PCDHAC1: variants seen among roughly 807,000 people sequenced by gnomAD.
The protein encoded by PCDHAC1 is protocadherin alpha-C1.
A neutral mutation model predicts 60.0 loss-of-function variants in PCDHAC1; 42 were observed. The observed-to-expected ratio is 0.70, with a 90% CI of 0.55 to 0.90. The LOEUF is 0.90. Ranked by LOEUF, PCDHAC1 falls within the 40% of genes least tolerant of loss-of-function variation. The probability of loss-of-function intolerance (pLI) is 0.00; values close to 1 mark genes in which losing one functional copy is unlikely to be tolerated. For missense variants in PCDHAC1, 1,160 were observed against 1,222.3 expected, an observed-to-expected ratio of 0.95 and a Z score of 0.76; for synonymous variants, 468 against 499.3, an observed-to-expected ratio of 0.94 and a Z score of 0.84.
intron 3 of PCDHAC1, among the ~76,000 whole-genome samples, chr5:141,007,395 C>CAAAAAAAAAAAAAA (rs35800918): frequency 1.1e-5 from 1 of 94,866 alleles, no homozygotes; most frequent in Non-Finnish European, 2.1e-5. Context: ...TACTAAAATA[C>CAAAAAAAAAAAAAA]AAAAAAAAAA....
intron 1 of PCDHAC1, among the ~76,000 whole-genome samples, chr5:140,937,334 G>T (rs1459343291): frequency 3.3e-5 from 5 of 152,092 alleles, no homozygotes; most frequent in African/African-American, 1.2e-4. Flanking sequence ...ACCGCGCCCG[G>T]CTTCTTCCAT....
chr5:140,928,384 C>G lies in PCDHAC1; in HGVS notation c.1492C>G (p.Leu498Val), dbSNP rs246074. ...ISEGPSASSL[L>V]AVESSSGAIT... ...TGAAGGGCCATCAGCCTCTAGCTTGCTGGCAGTGGAATCATCCAGTGGGGC... is the reference window on the plus strand; with the variant it reads ...TGAAGGGCCATCAGCCTCTAGCTTGGTGGCAGTGGAATCATCCAGTGGGGC... Residue 498 changes from leucine (L) to valine (V), a missense_variant, in exon 1 of 4, where the codon CTG becomes GTG. By Grantham distance (32) the Leu-to-Val change is conservative (BLOSUM62 1). Around this residue, in one of 3 missense-constraint regions of PCDHAC1, gnomAD observed 1,113 missense variants for 1,163.7 expected, o/e 0.96. Transcript: ENST00000253807. 841,304 of 1,613,674 alleles carry G rather than the reference C, an allele frequency of 0.52. 221,696 individuals are homozygous for G. Among genetic ancestry groups the G allele is most frequent in the African/African-American group, 0.71 (53,389 of 74,918 alleles).
chr5:140,940,551 T>C (rs2092639776), intron 1 of PCDHAC1, among the ~76,000 whole-genome samples: 1 of 152,214 alleles, frequency 6.6e-6, no homozygotes, highest in African/African-American at 2.4e-5. Context: ...TGGGCTCAAG[T>C]GATTCTCCTA....
chr5:140,953,778 A>G (rs782648195), intron 1 of PCDHAC1, among the ~76,000 whole-genome samples: 1 of 151,986 alleles, frequency 6.6e-6, no homozygotes, highest in Non-Finnish European at 1.5e-5. Flanking sequence ...ATATTTATTT[A>G]TTTTTTTCTT....
intron 3 of PCDHAC1, among the ~76,000 whole-genome samples, chr5:140,994,802 C>T (rs541054161): frequency 7.9e-5 from 12 of 152,066 alleles, no homozygotes; most frequent in Non-Finnish European, 1.6e-4. Flanking sequence ...CATGCAAAAA[C>T]AAAATACAAA....
intron 1 of PCDHAC1, chr5:140,967,561 G>T: frequency 6.2e-7 from 1 of 1,614,076 alleles, no homozygotes; most frequent in Non-Finnish European, 8.5e-7. Flanking sequence ...ATCGCGTCCA[G>T]CTACGGGAGG....
In PCDHAC1 at chr5:141,010,461, G is replaced by A; in HGVS notation, c.*524G>A. The A allele has an allele frequency of 1.2e-6, 1 of 823,014 alleles. No homozygotes were observed. The highest frequency in any genetic ancestry group is 1.8e-6 in the Non-Finnish European group (1 of 553,022). The allele number at this position is 823,014 out of a possible 1,614,324, so 51.0% of individuals were successfully genotyped here. A position where few individuals can be genotyped will look rare whatever the true frequency, so the allele number is the denominator to read the frequency against. On this transcript the variant is annotated 3_prime_UTR_variant, in exon 4 of 4. Transcript: ENST00000253807. ...GACAAATAAACAGCGGAAGTTATCA[G>A]TATGGAGGGGAAGTGTAAACTTAAA...
chr5:140,963,509 G>A, intron 1 of PCDHAC1, among the ~76,000 whole-genome samples: 1 of 152,164 alleles, frequency 6.6e-6, no homozygotes, highest in Non-Finnish European at 1.5e-5. Flanking sequence ...CTCTTGAAGG[G>A]GTTCTCATAA....
At chr5:140,966,246 G>A (rs184430396) in intron 1 of PCDHAC1, 1 of 319,412 alleles carries the variant, frequency 3.1e-6, no homozygotes, top group East Asian at 5.0e-5. Flanking sequence ...TTAAGCAGGG[G>A]AGAGACGGTG....
At position 140,927,419 on chromosome 5, in the gene PCDHAC1, G is replaced by A. The variant is rs781883331; in HGVS notation, c.527G>A (p.Arg176Gln). The change falls in exon 1 of 4, where the codon CGG (arginine) becomes CAG (glutamine). Residue 176 changes from arginine to glutamine, a missense_variant. Coordinates refer to ENST00000253807, the MANE Select transcript of PCDHAC1 (RefSeq NM_018898.5). ...CACTTTCGCCTGGACATGGGATCGC[G>A]GGTTGACGGCAGCGAATACCCGGAG... ...SQHFRLDMGS[R>Q]VDGSEYPELV... 6.2e-7 allele frequency: 1 copy of A among 1,614,140 alleles called. No individual in the cohort carries two copies. Among genetic ancestry groups the A allele is most frequent in the South Asian group, 1.1e-5 (1 of 91,084 alleles).
intron 1 of PCDHAC1, among the ~76,000 whole-genome samples, chr5:140,935,973 A>C (rs956262031): frequency 1.3e-5 from 2 of 150,786 alleles, no homozygotes; most frequent in Admixed American, 1.3e-4. Flanking sequence ...GCTCACTGCA[A>C]TCTCTGCCTC....
intron 1 of PCDHAC1, among the ~76,000 whole-genome samples, chr5:140,949,913 A>G (rs554549969): frequency 9.9e-5 from 15 of 151,452 alleles, no homozygotes; most frequent in Admixed American, 2.6e-4. Context: ...TTTAGATATA[A>G]CTATTTTTAG....
At chr5:140,967,957 C>A in intron 1 of PCDHAC1, 1 of 1,614,222 alleles carries the variant, frequency 6.2e-7, no homozygotes, top group Admixed American at 1.7e-5. Context: ...CAGGCCCCAA[C>A]CGGAAAGTGA....
At chr5:140,968,236 T>C in intron 1 of PCDHAC1, 1 of 1,614,006 alleles carries the variant, frequency 6.2e-7, no homozygotes, top group East Asian at 2.2e-5. Flanking sequence ...TGCTCTGTAC[T>C]GTGCAAGCCA....
chr5:140,966,712 TG>T, intron 1 of PCDHAC1: 1 of 1,392,090 alleles, frequency 7.2e-7, no homozygotes, highest in South Asian at 1.6e-5. Context: ...GGGGCACGGC[TG>T]GGGAAGCTGC....
intron 3 of PCDHAC1, among the ~76,000 whole-genome samples, chr5:140,999,367 C>T (rs1229497053): frequency 4.6e-5 from 7 of 152,100 alleles, no homozygotes; most frequent in African/African-American, 1.7e-4. Flanking sequence ...TTCACAATCC[C>T]ATTAGATGGT....
chr5:140,955,956 G>C (rs2095241724), intron 1 of PCDHAC1, among the ~76,000 whole-genome samples: 1 of 152,050 alleles, frequency 6.6e-6, no homozygotes, highest in Admixed American at 6.6e-5. Flanking sequence ...CTTGCTTGTT[G>C]TTTGTGCATA....
intron 1 of PCDHAC1, among the ~76,000 whole-genome samples, chr5:140,941,192 TTTC>T (rs1447153939): frequency 7.0e-5 from 7 of 99,658 alleles, no homozygotes; most frequent in Admixed American, 1.0e-4. Flanking sequence ...CTTCTTTTTT[TTTC>T]TTTCTTCCTT....
In PCDHAC1 at chr5:140,967,246, G is replaced by T. The variant is rs569213693; in HGVS notation, c.2434-11703G>T. On this transcript the variant is annotated intron_variant, in intron 1 of 3. Coordinates refer to ENST00000253807, the MANE Select transcript of PCDHAC1 (RefSeq NM_018898.5). ...ACTACCAGCTTCAGGTAAGCGAATCGGTGGCGCCTGGAGCGCGCTTTCACA... is the reference window on the plus strand; with the variant it reads ...ACTACCAGCTTCAGGTAAGCGAATCTGTGGCGCCTGGAGCGCGCTTTCACA... The T allele has an allele frequency of 9.6e-5, 155 of 1,613,594 alleles. 2 individuals carry two copies. In the South Asian group the frequency reaches 1.4e-3, roughly 15 times the overall value.
Sources: gnomAD v4.1 joint callset for allele counts (sites outside exome capture counted in the v4.1 genomes callset) on GRCh38, gnomAD v4.1.1 for gene constraint, gnomAD v4.1.1 regional missense constraint, MANE v1.5 for transcripts, NCBI Gene and HGNC (gene_info 2026-07-23, HGNC 2026-07-21) for gene names.